Variants in ZBTB20 observed in about 807,000 individuals in gnomAD.
ZBTB20 encodes the protein zinc finger and BTB domain containing 20.
A neutral mutation model predicts 56.9 loss-of-function variants in ZBTB20; 9 were observed. The observed-to-expected ratio is 0.16, with a 90% CI of 0.10 to 0.28. The LOEUF is 0.28. Ranked by LOEUF, ZBTB20 falls within the 10% of genes least tolerant of loss-of-function variation. The pLI is 1.00. For missense variants in ZBTB20, 655 were observed against 1,003.0 expected (o/e 0.65, Z 4.69); for synonymous variants, 417 against 420.7 (o/e 0.99, Z 0.11).
intron 1 of ZBTB20, among the ~76,000 whole-genome samples, chr3:115,146,780 C>A (rs1360456099): frequency 6.6e-6 from 1 of 152,174 alleles, no homozygotes. Context: ...AGCTCCTGAG[C>A]CCCGGCTAGT....
chr3:115,044,944 A>C (rs1191938964), intron 2 of ZBTB20, among the ~76,000 whole-genome samples: 5 of 152,192 alleles, frequency 3.3e-5, no homozygotes, highest in Admixed American at 2.6e-4. Flanking sequence ...CACTGGTAAA[A>C]CCTGTAGGTG....
intron 3 of ZBTB20, among the ~76,000 whole-genome samples, chr3:114,935,746 C>T (rs2076511700): frequency 2.0e-5 from 3 of 152,198 alleles, no homozygotes; most frequent in African/African-American, 7.2e-5. Flanking sequence ...TCTTCAGCTC[C>T]TGTGCTATTT....
chr3:114,924,813 T>G (rs1295576436), intron 3 of ZBTB20, among the ~76,000 whole-genome samples: 1 of 152,106 alleles, frequency 6.6e-6, no homozygotes, highest in African/African-American at 2.4e-5. Flanking sequence ...GCTTATTTTT[T>G]ATCCACTCTT....
chr3:115,110,031 G>GA (rs1395959598), intron 1 of ZBTB20, among the ~76,000 whole-genome samples: 1 of 151,898 alleles, frequency 6.6e-6, no homozygotes. Context: ...CCAACATGGC[G>GA]AAACTCCGTC....
chr3:114,584,526 T>C (rs1379833355), intron 6 of ZBTB20, among the ~76,000 whole-genome samples: 2 of 142,264 alleles, frequency 1.4e-5, no homozygotes, highest in Non-Finnish European at 3.1e-5. Context: ...CTAACTCTGT[T>C]AAAAAAAAAA....
chr3:114,355,426 G>GT (rs1311238511), intron 10 of ZBTB20, among the ~76,000 whole-genome samples: 1 of 152,142 alleles, frequency 6.6e-6, no homozygotes, highest in Admixed American at 6.5e-5. Flanking sequence ...CCACACTGCA[G>GT]TGAACAGCCA....
At chr3:114,644,385 G>A (rs957146602) in intron 6 of ZBTB20, among the ~76,000 whole-genome samples, 3 of 152,106 alleles carry the variant, frequency 2.0e-5, no homozygotes, top group Non-Finnish European at 4.4e-5. Flanking sequence ...AGAATAGAGA[G>A]AGATGTTTGG....
At chr3:114,836,675 C>T (rs1320726721) in intron 4 of ZBTB20, among the ~76,000 whole-genome samples, 1 of 152,130 alleles carries the variant, frequency 6.6e-6, no homozygotes, top group Non-Finnish European at 1.5e-5. Context: ...GCCGCATTAA[C>T]CCAAACACAA....
chr3:114,962,087 T>G (rs1172415363), intron 3 of ZBTB20, among the ~76,000 whole-genome samples: 1 of 152,102 alleles, frequency 6.6e-6, no homozygotes, highest in Non-Finnish European at 1.5e-5. Flanking sequence ...AGGGGTTTTA[T>G]TTTAAAATTG....
chr3:114,687,018 T>G (rs762895538), intron 6 of ZBTB20, among the ~76,000 whole-genome samples: 20 of 152,050 alleles, frequency 1.3e-4, no homozygotes, highest in Non-Finnish European at 2.6e-4. Flanking sequence ...CGCAGAGTAA[T>G]AGAACTAAAA....
chr3:114,402,593 A>T (rs114565650), intron 7 of ZBTB20, among the ~76,000 whole-genome samples: 1,905 of 152,274 alleles, frequency 0.013, 40 homozygotes, highest in African/African-American at 0.044. Context: ...AGGGATCTTG[A>T]CGACTAAATC....
At chr3:115,011,489 G>A (rs927633543) in intron 2 of ZBTB20, among the ~76,000 whole-genome samples, 1 of 151,914 alleles carries the variant, frequency 6.6e-6, no homozygotes, top group Non-Finnish European at 1.5e-5. Flanking sequence ...TAGGCCAGCA[G>A]AGAGTGGCAG....
At chr3:114,392,812 A>G (rs574713138) in intron 7 of ZBTB20, among the ~76,000 whole-genome samples, 1 of 152,106 alleles carries the variant, frequency 6.6e-6, no homozygotes, top group East Asian at 1.9e-4. Context: ...TCTCTTCTCT[A>G]TCCTTATCCT....
intron 5 of ZBTB20, among the ~76,000 whole-genome samples, chr3:114,700,983 A>G (rs568717647): frequency 3.3e-5 from 5 of 152,294 alleles, no homozygotes; most frequent in African/African-American, 9.6e-5. Flanking sequence ...GCAACTATTT[A>G]ATAATTTCAA....
chr3:114,695,124 T>G (rs1403316937), intron 5 of ZBTB20, among the ~76,000 whole-genome samples: 1 of 152,086 alleles, frequency 6.6e-6, no homozygotes. Context: ...CTGAGGTTCT[T>G]GTTGCCACAT....
intron 1 of ZBTB20, among the ~76,000 whole-genome samples, chr3:115,135,802 TAC>T (rs573932056): frequency 4.0e-4 from 61 of 152,310 alleles, no homozygotes; most frequent in African/African-American, 1.4e-3. Context: ...TCACTAATAT[TAC>T]AGTGTTTAAC....
intron 2 of ZBTB20, among the ~76,000 whole-genome samples, chr3:115,009,988 T>C (rs2079630697): frequency 6.6e-6 from 1 of 151,990 alleles, no homozygotes; most frequent in Non-Finnish European, 1.5e-5. Context: ...TTTTACTAAG[T>C]GCCGACTTAT....
At chr3:114,569,948 G>T (rs1363795013) in intron 6 of ZBTB20, among the ~76,000 whole-genome samples, 1 of 150,726 alleles carries the variant, frequency 6.6e-6, no homozygotes, top group African/African-American at 2.5e-5. Flanking sequence ...AAAATAAGAG[G>T]AATTAGACTT....
At chr3:114,757,293 C>T (rs193016211) in intron 5 of ZBTB20, among the ~76,000 whole-genome samples, 3 of 152,296 alleles carry the variant, frequency 2.0e-5, no homozygotes, top group Non-Finnish European at 4.4e-5. Context: ...CTCAACTATA[C>T]TTTGCCATTC....
Sources: gnomAD v4.1 joint callset for allele counts (sites outside exome capture counted in the v4.1 genomes callset) on GRCh38, gnomAD v4.1.1 for gene constraint, MANE v1.5 for transcripts, NCBI Gene and HGNC (gene_info 2026-07-23, HGNC 2026-07-21) for gene names.